The following TET1 variants were observed in gnomAD, a reference collection of about 807,000 sequenced individuals.
The protein encoded by TET1 is methylcytosine dioxygenase TET1.
A neutral mutation model predicts 148.7 loss-of-function variants in TET1; 13 were observed. The observed-to-expected ratio is 0.09, with a 90% confidence interval of 0.06 to 0.14. The LOEUF is 0.14. Ranked by LOEUF, TET1 falls within the 10% of genes least tolerant of loss-of-function variation. TET1 has a pLI of 1.00. For missense variants in TET1, 2,182 were observed against 2,553.8 expected (o/e 0.85, Z 3.14); for synonymous variants, 907 against 937.2 (o/e 0.97, Z 0.59).
chr10:68,626,121 G>GAAAAAA (rs370491271), intron 3 of TET1, among the ~76,000 whole-genome samples: 1 of 118,882 alleles, frequency 8.4e-6, no homozygotes, highest in Non-Finnish European at 1.7e-5. Flanking sequence ...AAAAGAAAAA[G>GAAAAAA]AAAAGAAAAT....
At chr10:68,652,054 T>A in intron 5 of TET1, 118 bp downstream of exon 5, 1 of 936,318 alleles carries the variant, frequency 1.1e-6, no homozygotes, top group South Asian at 1.7e-5. Context: ...ATGAGTTGGA[T>A]GTTTCTTAGG....
chr10:68,574,282 A>C lies in TET1; in HGVS notation c.1914+30A>C, dbSNP rs1211153500. ...GCAAACAGTCAAGGGGCTGGGAGAC[A>C]GCTGACACTTGGTATAGTGATCTAT... On this transcript the variant is annotated intron_variant, in intron 2 of 11. Transcript: ENST00000373644. 4.5e-6 allele frequency: 7 copies of C among 1,571,266 alleles called. 1 individual carries two copies. Among genetic ancestry groups the C allele is most frequent in the Non-Finnish European group, 6.1e-6 (7 of 1,153,728 alleles).
At chr10:68,664,041 G>T (rs1481563090) in intron 6 of TET1, among the ~76,000 whole-genome samples, 1 of 151,662 alleles carries the variant, frequency 6.6e-6, no homozygotes, top group Non-Finnish European at 1.5e-5. Flanking sequence ...CTCCCATCGC[G>T]CAGGCTGTAG....
intron 3 of TET1, among the ~76,000 whole-genome samples, chr10:68,619,111 C>T (rs2054334021): frequency 6.6e-6 from 1 of 152,178 alleles, no homozygotes; most frequent in Non-Finnish European, 1.5e-5. Context: ...CAATCTTAGT[C>T]TCATATATCA....
rs143195428 is a variant in TET1 at position 68,606,144 on chromosome 10, A to G, written c.1968+5110A>G. On this transcript the variant is annotated intron_variant, in intron 3 of 11. Transcript: ENST00000373644. ...CACTTTGAGAGGCCAGGATGAGTGG[A>G]TCACTTGAGGTCAGGGGTTCAAGAC... is the stretch of plus-strand genomic sequence containing the variant. Among the ~76,000 whole-genome samples the G allele has an allele frequency of 3.6e-3, 552 of 152,274 alleles. 4 individuals carry two copies. Among genetic ancestry groups the G allele is most frequent in the African/African-American group, 0.013 (522 of 41,574 alleles).
At position 68,691,362 on chromosome 10, in the gene TET1, T is replaced by G; in HGVS notation, c.5959T>G (p.Leu1987Val). The change falls in exon 12 of 12, where the codon TTG becomes GTG. Residue 1987 changes from leucine to valine, a missense_variant. This residue lies in a region of TET1 where 380 missense variants were observed against 387.9 expected (regional missense o/e 0.98). Coordinates refer to ENST00000373644, the MANE Select transcript of TET1 (RefSeq NM_030625.3). The surrounding 1 kb of genome is among the most constrained non-coding windows in gnomAD (Gnocchi z 4.4). Reference sequence around the variant, plus strand: ...CCCCCTGTCACCTGCTGAGGAGAAATTGCCCCACATTGATGAGTATTGGTC... The same window carrying G: ...CCCCCTGTCACCTGCTGAGGAGAAAGTGCCCCACATTGATGAGTATTGGTC... ...DDPLSPAEEKLPHIDEYWSDS... is the reference protein window; with the variant it reads ...DDPLSPAEEKVPHIDEYWSDS... The G allele has an allele frequency of 1.2e-6, 2 of 1,614,126 alleles. No homozygotes were observed. Among genetic ancestry groups the G allele is most frequent in the Middle Eastern group, 3.3e-4 (2 of 6,062 alleles).
chr10:68,596,021 CACACACATAT>C (rs1564959064), intron 2 of TET1, among the ~76,000 whole-genome samples: 1 of 102,744 alleles, frequency 9.7e-6, no homozygotes, highest in Non-Finnish European at 1.9e-5. Flanking sequence ...CACACACACA[CACACACATAT>C]ATATATATAT....
chr10:68,581,972 G>A (rs975927257), intron 2 of TET1, among the ~76,000 whole-genome samples: 1 of 152,074 alleles, frequency 6.6e-6, no homozygotes, highest in South Asian at 2.1e-4. Flanking sequence ...TGGACAATTA[G>A]TTTGCAAGTT....
chr10:68,616,711 CTT>C (rs769000327), intron 3 of TET1, among the ~76,000 whole-genome samples: 5 of 144,876 alleles, frequency 3.5e-5, no homozygotes, highest in Non-Finnish European at 1.5e-5. Context: ...AATATTTAAA[CTT>C]TTTTTTTTTT....
intron 3 of TET1, among the ~76,000 whole-genome samples, chr10:68,634,211 T>C (rs1443230875): frequency 6.6e-6 from 1 of 152,230 alleles, no homozygotes; most frequent in East Asian, 1.9e-4. Flanking sequence ...CTAAATTGAG[T>C]TCTAAATTTA....
rs569207491 is a variant in TET1, at chr10:68,610,606, C to CA, written c.1968+9577dup. On this transcript the variant is annotated intron_variant, in intron 3 of 11. Transcript: ENST00000373644. ...TTCCTTCTCAAAAGATAAAAAAACA[C>CA]AAAAATAAAAAATATGTTAAATGTT... Among the ~76,000 whole-genome samples, 116 of 152,096 alleles carry CA rather than the reference C, an allele frequency of 7.6e-4. 1 individual carries two copies. Among genetic ancestry groups the CA allele is most frequent in the Admixed American group, 1.7e-3 (26 of 15,274 alleles).
chr10:68,571,550 G>A (rs990458130), intron 1 of TET1, among the ~76,000 whole-genome samples: 1 of 151,344 alleles, frequency 6.6e-6, no homozygotes, highest in African/African-American at 2.4e-5. Flanking sequence ...ACAGGCGTGA[G>A]CCACTGCGCC....
rs147762508 is a variant in TET1 at position 68,573,385 on chromosome 10, C to T, written c.1047C>T (p.Phe349=). The T allele has an allele frequency of 9.9e-5, 160 of 1,614,092 alleles. No individual in the cohort carries two copies. The African/African-American group carries it at 1.3e-3, about 13-fold the overall frequency. ...CTAAACCAGATCATCAAGAGGCCTT[C>T]GAAGCTACTGCAAATCAACAGGAAG... ...LGAKPDHQEA[F]EATANQQEVS... The change falls in exon 2 of 12, where the codon TTC becomes TTT. Residue 349 remains phenylalanine, a synonymous_variant. Coordinates refer to ENST00000373644, the MANE Select transcript of TET1 (RefSeq NM_030625.3).
chr10:68,662,475 GTAT>G (rs953445557), intron 6 of TET1, among the ~76,000 whole-genome samples: 23 of 147,348 alleles, frequency 1.6e-4, no homozygotes, highest in Admixed American at 1.0e-3. Flanking sequence ...TAAATTTTAC[GTAT>G]TATTAATTTT....
At chr10:68,641,033 ATT>A (rs2054745335) in intron 3 of TET1, among the ~76,000 whole-genome samples, 1 of 150,590 alleles carries the variant, frequency 6.6e-6, no homozygotes, top group Non-Finnish European at 1.5e-5. Context: ...TTTGCATATT[ATT>A]TTTGAGGCTG....
At chr10:68,593,903 T>C (rs759832693) in intron 2 of TET1, among the ~76,000 whole-genome samples, 117 of 129,582 alleles carry the variant, frequency 9.0e-4, no homozygotes, top group Non-Finnish European at 1.7e-3. Flanking sequence ...CGTGAGCCAC[T>C]GCGCCTGAGC....
In TET1 at chr10:68,646,061, A is replaced by G; in HGVS notation, c.3332A>G (p.Asn1111Ser). 2 of 1,614,150 alleles carry G rather than the reference A, an allele frequency of 1.2e-6. No individual in the cohort carries two copies. Among genetic ancestry groups the G allele is most frequent in the Non-Finnish European group, 8.5e-7 (1 of 1,180,032 alleles). Reference sequence around the variant, plus strand: ...ACACCAACAAGCCTTGTCACATGTAATGTACAGCAAAAATACAATCAGGAG... The same window carrying G: ...ACACCAACAAGCCTTGTCACATGTAGTGTACAGCAAAAATACAATCAGGAG... ...ESTPTSLVTC[N>S]VQQKYNQEKG... Residue 1111 changes from asparagine to serine, a missense_variant, in exon 4 of 12, where the codon AAT becomes AGT. Asn to Ser is a conservative substitution (Grantham distance 46, BLOSUM62 1). Around this residue, in one of 11 missense-constraint regions of TET1, gnomAD observed 582 missense variants for 599.5 expected, o/e 0.97. Coordinates refer to ENST00000373644, the MANE Select transcript of TET1 (RefSeq NM_030625.3).
At chr10:68,578,037 C>T (rs2053752501) in intron 2 of TET1, among the ~76,000 whole-genome samples, 1 of 152,082 alleles carries the variant, frequency 6.6e-6, no homozygotes, top group East Asian at 1.9e-4. Flanking sequence ...AATGAGAAAT[C>T]AGACATTTAA....
In TET1 at chr10:68,565,109, T is replaced by C. The variant is rs148282796; in HGVS notation, c.-123+4367T>C. Among the ~76,000 whole-genome samples, 994 of 151,998 alleles carry C rather than the reference T, an allele frequency of 6.5e-3. 19 individuals are homozygous for C. Among genetic ancestry groups the C allele is most frequent in the African/African-American group, 0.023 (950 of 41,448 alleles). ...AAATGGAAGTAGAATTAGGGAAGAG[T>C]GTACACGGGAGAGATTTGACTGCTG... is the stretch of plus-strand genomic sequence containing the variant. On this transcript the variant is annotated intron_variant, in intron 1 of 11. Transcript: ENST00000373644.
Sources: gnomAD v4.1 joint callset for allele counts (sites outside exome capture counted in the v4.1 genomes callset) on GRCh38, gnomAD v4.1.1 for gene constraint, gnomAD v4.1.1 regional missense constraint, Gnocchi (gnomAD v3.1) non-coding constraint, MANE v1.5 for transcripts, NCBI Gene and HGNC (gene_info 2026-07-23, HGNC 2026-07-21) for gene names.